Variants in CMYA5 observed in about 807,000 individuals in gnomAD.
The protein encoded by CMYA5 is cardiomyopathy-associated protein 5.
In CMYA5, 246 loss-of-function variants were observed where a neutral mutation model predicts 318.9. The ratio of observed to expected loss-of-function variants is 0.77; its 90% CI spans 0.70 to 0.86. The LOEUF is 0.86. CMYA5 is among the 40% of genes least tolerant of loss of function. The pLI is 0.00. For synonymous variants in CMYA5, 1,641 were observed against 1,729.5 expected (o/e 0.95, Z 1.27); for missense variants, 4,589 against 4,678.2 (o/e 0.98, Z 0.56).
intron 1 of CMYA5, among the ~76,000 whole-genome samples, chr5:79,719,116 A>G (rs563708685): frequency 9.7e-4 from 147 of 152,328 alleles, no homozygotes; most frequent in African/African-American, 3.5e-3. Flanking sequence ...TTTTAAGGAA[A>G]GAATGAGAGA....
Position 79,739,176 on chromosome 5 carries a change from GAA to G in CMYA5, c.10412_10413del (p.Glu3471AlafsTer6). 1 of 1,613,518 alleles carries G rather than the reference GAA, an allele frequency of 6.2e-7. No individual in the cohort carries two copies. Among genetic ancestry groups the G allele is most frequent in the East Asian group, 2.2e-5 (1 of 44,834 alleles). ...ISENEFASEA[E>X]QSTPAEQKEL... Reference sequence around the variant, plus strand: ...TGAAAATGAATTTGCGAGTGAGGCAGAACAAAGTACACCTGCTGAACAAAAAG... The same window carrying G: ...TGAAAATGAATTTGCGAGTGAGGCAGCAAAGTACACCTGCTGAACAAAAAG... On this transcript the variant is annotated frameshift_variant, in exon 2 of 13. Transcript: ENST00000446378. LOFTEE classifies it high-confidence loss of function.
intron 9 of CMYA5, among the ~76,000 whole-genome samples, chr5:79,765,870 C>T (rs1828740672): frequency 6.6e-6 from 1 of 152,198 alleles, no homozygotes; most frequent in Admixed American, 6.5e-5. Context: ...AGTTGCTTAT[C>T]AGCTTAAGGA....
chr5:79,733,356 C>G lies in CMYA5; in HGVS notation c.4591C>G (p.Leu1531Val). Residue 1531 changes from leucine (L) to valine (V), a missense_variant, in exon 2 of 13, where the codon CTC becomes GTC. Transcript: ENST00000446378. ...GTTAGAGCCTGAACATGAGCTTCCA[C>G]TCAGCCTATGGGGTGAGATAAAGAA... ...EVLEPEHELP[L>V]SLWGEIKKKE... is the part of the protein sequence containing the mutation. 1.2e-6 allele frequency: 2 copies of G among 1,613,596 alleles called. No homozygotes were observed. The highest frequency in any genetic ancestry group is 2.7e-5 in the African/African-American group (2 of 75,038).
intron 6 of CMYA5, among the ~76,000 whole-genome samples, chr5:79,753,719 A>G (rs1430750207): frequency 8.2e-6 from 1 of 122,402 alleles, no homozygotes; most frequent in Non-Finnish European, 1.9e-5. Context: ...AGGCTACTGT[A>G]TGTCTAAAAA....
At chr5:79,799,336 A>C (rs767455043) in intron 12 of CMYA5, 34 bp from the exon 13 acceptor site, 22 of 1,568,216 alleles carry the variant, frequency 1.4e-5, no homozygotes, top group Admixed American at 3.6e-5. Context: ...TGAGATTTCC[A>C]GAGTTTTATG....
At chr5:79,714,431 C>CTTTTT (rs71615553) in intron 1 of CMYA5, among the ~76,000 whole-genome samples, 26 of 100,690 alleles carry the variant, frequency 2.6e-4, no homozygotes, top group African/African-American at 4.7e-4. Context: ...TTTTCTTTTT[C>CTTTTT]TTTTTTTTTT....
In CMYA5 at chr5:79,731,772, G is replaced by A. The variant is rs1827912468; in HGVS notation, c.3007G>A (p.Ala1003Thr). Reference sequence around the variant, plus strand: ...AGCGGAACTGTTCTCTCCAGACTCAGCATCACAAGTTTCAATCCCTCCCTT... The same window carrying A: ...AGCGGAACTGTTCTCTCCAGACTCAACATCACAAGTTTCAATCCCTCCCTT... Reference protein sequence around the residue: ...EEAELFSPDSASQVSIPPFRI... With the variant: ...EEAELFSPDSTSQVSIPPFRI... Residue 1003 changes from alanine to threonine, a missense_variant, in exon 2 of 13, where the codon GCA (alanine) becomes ACA (threonine). Coordinates refer to ENST00000446378, the MANE Select transcript of CMYA5 (RefSeq NM_153610.5). The A allele has an allele frequency of 1.2e-6, 2 of 1,613,206 alleles. No homozygotes were observed. Among genetic ancestry groups the A allele is most frequent in the Non-Finnish European group, 1.7e-6 (2 of 1,179,610 alleles).
At chr5:79,740,768 C>G (rs1454469688) in intron 2 of CMYA5, among the ~76,000 whole-genome samples, 1 of 152,186 alleles carries the variant, frequency 6.6e-6, no homozygotes, top group Admixed American at 6.5e-5. Flanking sequence ...CCATTCTCAC[C>G]TCTTTAATCC....
At chr5:79,694,411 C>T (rs1204181469) in intron 1 of CMYA5, among the ~76,000 whole-genome samples, 2 of 152,192 alleles carry the variant, frequency 1.3e-5, no homozygotes, top group East Asian at 3.8e-4. Flanking sequence ...TTGTATTTCT[C>T]TTGCTGTAGA....
At chr5:79,750,505 C>T (rs1043819129) in intron 5 of CMYA5, among the ~76,000 whole-genome samples, 1 of 137,378 alleles carries the variant, frequency 7.3e-6, no homozygotes, top group African/African-American at 2.6e-5. Flanking sequence ...CCCTAAACCC[C>T]ATCTTGCTCA....
At chr5:79,785,472 C>T (rs1323267462) in intron 9 of CMYA5, among the ~76,000 whole-genome samples, 8 of 152,038 alleles carry the variant, frequency 5.3e-5, no homozygotes, top group Non-Finnish European at 7.4e-5. Flanking sequence ...TTGTTTCCCT[C>T]AGTAGCATCT....
chr5:79,730,761 T>A lies in CMYA5; in HGVS notation c.1996T>A (p.Ser666Thr). The A allele has an allele frequency of 1.2e-6, 2 of 1,613,796 alleles. No homozygotes were observed. The highest frequency in any genetic ancestry group is 1.7e-6 in the Non-Finnish European group (2 of 1,179,832). Residue 666 changes from serine to threonine, a missense_variant, in exon 2 of 13, where the codon TCT becomes ACT. Transcript: ENST00000446378. The stretch of plus-strand genomic sequence containing the variant: ...AACTGAGAAGACTTCAGAGAACCAG[T>A]CTCCACTGTTTTCAACAGTTACACC... ...STTEKTSENQ[S>T]PLFSTVTPEY...
intron 1 of CMYA5, among the ~76,000 whole-genome samples, chr5:79,706,217 T>C (rs2151076967): frequency 6.6e-6 from 1 of 152,276 alleles, no homozygotes; most frequent in East Asian, 1.9e-4. Context: ...GTGAGGGATT[T>C]AGGGTCATTT....
chr5:79,737,337 A>T lies in CMYA5; in HGVS notation c.8572A>T (p.Thr2858Ser). Residue 2858 changes from threonine (T) to serine (S), a missense_variant, in exon 2 of 13, where the codon ACA (threonine) becomes TCA (serine). Transcript: ENST00000446378. ...TACTATTCAGACATCTAAAGATGAC[A>T]CATCCGATGTGCCTAAACAATCTGT... is the stretch of plus-strand genomic sequence containing the variant. Reference protein sequence around the residue: ...VHTIQTSKDDTSDVPKQSVLV... With the variant: ...VHTIQTSKDDSSDVPKQSVLV... 1 of 1,613,860 alleles carries T rather than the reference A, an allele frequency of 6.2e-7. No individual in the cohort carries two copies.
intron 1 of CMYA5, among the ~76,000 whole-genome samples, chr5:79,703,382 C>A (rs561658752): frequency 2.0e-5 from 3 of 152,292 alleles, no homozygotes; most frequent in African/African-American, 7.2e-5. Context: ...ATGGACATTC[C>A]ATTTTACAAT....
chr5:79,692,741 C>G (rs921625938), intron 1 of CMYA5, among the ~76,000 whole-genome samples: 1 of 152,192 alleles, frequency 6.6e-6, no homozygotes, highest in African/African-American at 2.4e-5. Context: ...GCTTTAGTTT[C>G]TTTTATTCCA....
At chr5:79,706,002 A>G (rs2151076901) in intron 1 of CMYA5, among the ~76,000 whole-genome samples, 1 of 152,226 alleles carries the variant, frequency 6.6e-6, no homozygotes, top group South Asian at 2.1e-4. Flanking sequence ...ACCCTGAACT[A>G]TTGCAGGATC....
At chr5:79,713,297 GCCCCCAC>G (rs796793123) in intron 1 of CMYA5, among the ~76,000 whole-genome samples, 1,676 of 24,260 alleles carry the variant, frequency 0.069, 12 homozygotes, top group African/African-American at 0.13. Context: ...GCTGCACCCC[GCCCCCAC>G]CCCCCACCCG....
Position 79,699,353 on chromosome 5 carries a change from G to C in CMYA5, c.149+9297G>C, listed in dbSNP as rs927223716. On this transcript the variant is annotated intron_variant, in intron 1 of 12. Coordinates refer to ENST00000446378, the MANE Select transcript of CMYA5 (RefSeq NM_153610.5). Reference sequence around the variant, plus strand: ...TTATCCTTGTGCCAAGATAATAAAGGGCATGGAGAATGAAAACTGAGCAGT... The same window carrying C: ...TTATCCTTGTGCCAAGATAATAAAGCGCATGGAGAATGAAAACTGAGCAGT... 2.6e-5 allele frequency among the ~76,000 whole-genome samples: 4 copies of C among 152,006 alleles called. No homozygotes were observed. In the East Asian group the frequency reaches 7.7e-4, roughly 29 times the overall value.
Sources: gnomAD v4.1 joint callset for allele counts (sites outside exome capture counted in the v4.1 genomes callset) on GRCh38, gnomAD v4.1.1 for gene constraint, MANE v1.5 for transcripts, NCBI Gene and HGNC (gene_info 2026-07-23, HGNC 2026-07-21) for gene names.